Variants in PCDHA8 observed in about 807,000 individuals in gnomAD.
PCDHA8 encodes protocadherin alpha-8.
A neutral mutation model predicts 61.8 loss-of-function variants in PCDHA8; 53 were observed. The ratio of observed to expected loss-of-function variants is 0.86; its 90% CI spans 0.69 to 1.08. The LOEUF is 1.08. Ranked by LOEUF, PCDHA8 falls within the 50% of genes least tolerant of loss-of-function variation. PCDHA8 has a pLI of 0.00. For missense variants in PCDHA8, 1,293 were observed against 1,245.0 expected, an observed-to-expected ratio of 1.04 and a Z score of -0.58; for synonymous variants, 618 against 556.6, an observed-to-expected ratio of 1.11 and a Z score of -1.55.
intron 1 of PCDHA8, chr5:140,967,709 G>T: frequency 6.2e-7 from 1 of 1,614,140 alleles, no homozygotes; most frequent in Non-Finnish European, 8.5e-7. Context: ...TGCCAGTACC[G>T]GGGAAGTGCG....
intron 2 of PCDHA8, among the ~76,000 whole-genome samples, chr5:140,980,255 C>T (rs782489996): frequency 2.0e-4 from 31 of 152,210 alleles, no homozygotes; most frequent in Middle Eastern, 3.2e-3. Flanking sequence ...TGGGTAAAAG[C>T]ATGGTTTACA....
At chr5:140,851,813 A>T (rs2042166057) in intron 1 of PCDHA8, 1 of 954,990 alleles carries the variant, frequency 1.0e-6, no homozygotes, top group Non-Finnish European at 1.3e-6. Context: ...AATCCATAAG[A>T]CAGAAATCTG....
intron 1 of PCDHA8, among the ~76,000 whole-genome samples, chr5:140,921,386 A>C (rs2080192825): frequency 6.6e-6 from 1 of 152,156 alleles, no homozygotes; most frequent in African/African-American, 2.4e-5. Flanking sequence ...ATATTTGATA[A>C]ACATTCACAC....
intron 1 of PCDHA8, among the ~76,000 whole-genome samples, chr5:140,909,996 T>C (rs549464312): frequency 1.3e-5 from 2 of 152,192 alleles, no homozygotes; most frequent in African/African-American, 4.8e-5. Context: ...ACAGCATAAA[T>C]TGTTGTCAGT....
intron 1 of PCDHA8, chr5:140,869,808 C>A: frequency 6.2e-7 from 1 of 1,612,402 alleles, no homozygotes; most frequent in South Asian, 1.1e-5. Context: ...TCTTGGATGT[C>A]AACGACAATG....
At chr5:140,857,920 G>A (rs2045011675) in intron 1 of PCDHA8, 2 of 1,597,818 alleles carry the variant, frequency 1.3e-6, no homozygotes, top group Non-Finnish European at 1.7e-6. Flanking sequence ...TTCGCGTGGG[G>A]CTGTACACGG....
Position 140,853,160 on chromosome 5 carries a change from T to C in PCDHA8, c.2394+9445T>C, listed in dbSNP as rs2150529157. 1.0e-3 allele frequency: 954 copies of C among 925,650 alleles called. 57 individuals carry two copies. The highest frequency in any genetic ancestry group is 1.2e-3 in the Non-Finnish European group (917 of 763,430). 57.3% of individuals were successfully genotyped at this position (925,650 alleles called of 1,614,324 possible). ...TCCCAAAATGCTGGGATTACAGGCG[T>C]GAGCCACCGCGCCTGGCCTAAAATG... On this transcript the variant is annotated intron_variant, in intron 1 of 3. Transcript: ENST00000531613.
chr5:140,870,935 A>C, intron 1 of PCDHA8: 2 of 1,613,778 alleles, frequency 1.2e-6, no homozygotes, highest in African/African-American at 2.7e-5. Context: ...TATGAATTGC[A>C]GCCGGCGGCG....
chr5:140,967,401 G>A lies in PCDHA8; in HGVS notation c.2395-11548G>A. On this transcript the variant is annotated intron_variant, in intron 1 of 3. Transcript: ENST00000531613. ...AGTAAAGTGCTTGAGCTGGTGCTGC[G>A]TAAGGGCCTAGACCGGGAGCAGGCA... 3.1e-6 allele frequency: 5 copies of A among 1,611,944 alleles called. No individual in the cohort carries two copies. Among genetic ancestry groups the A allele is most frequent in the East Asian group, 2.2e-5 (1 of 44,806 alleles).
chr5:140,866,460 A>G (rs2049371963), intron 1 of PCDHA8: 1 of 152,148 alleles, frequency 6.6e-6, no homozygotes, highest in Non-Finnish European at 1.5e-5. Context: ...TTGGCTGGGA[A>G]GCTCATAACA....
chr5:140,948,150 T>C (rs1477987526), intron 1 of PCDHA8, among the ~76,000 whole-genome samples: 2 of 151,642 alleles, frequency 1.3e-5, no homozygotes, highest in Non-Finnish European at 3.0e-5. Flanking sequence ...TTTTTGAATG[T>C]TGGAAAAAAC....
At chr5:140,920,501 A>G (rs1404369467) in intron 1 of PCDHA8, among the ~76,000 whole-genome samples, 1 of 152,194 alleles carries the variant, frequency 6.6e-6, no homozygotes, top group Non-Finnish European at 1.5e-5. Context: ...AGAGTTCTAC[A>G]TACTGTTTTA....
intron 1 of PCDHA8, chr5:140,870,490 G>T: frequency 1.2e-6 from 2 of 1,614,234 alleles, no homozygotes; most frequent in Non-Finnish European, 8.5e-7. Flanking sequence ...CACCGTGTTC[G>T]TGAAGGAGAA....
chr5:140,943,888 T>A (rs567966075), intron 1 of PCDHA8, among the ~76,000 whole-genome samples: 1 of 152,330 alleles, frequency 6.6e-6, no homozygotes, highest in South Asian at 2.1e-4. Context: ...ATTGGACTGG[T>A]CATTATGATG....
rs377069661 is a variant in PCDHA8 at position 140,915,905 on chromosome 5, G to A, written c.2395-63044G>A. ...AGCAAGTTCCCCCTGGCCCTGGGCA[G>A]GCCCAGAGATGCTACTTGGGAGTCA... On this transcript the variant is annotated intron_variant, in intron 1 of 3. Transcript: ENST00000531613. Among the ~76,000 whole-genome samples, 6 of 152,266 alleles carry A rather than the reference G, an allele frequency of 3.9e-5. No individual in the cohort carries two copies. In the East Asian group the frequency reaches 1.2e-3, roughly 29 times the overall value.
At chr5:141,008,528 G>C (rs1343778561) in intron 3 of PCDHA8, among the ~76,000 whole-genome samples, 5 of 152,070 alleles carry the variant, frequency 3.3e-5, no homozygotes, top group African/African-American at 9.7e-5. Flanking sequence ...AGACTCTTGG[G>C]AATGTCTTTT....
chr5:140,883,946 G>C lies in PCDHA8; in HGVS notation c.2394+40231G>C, dbSNP rs139225969. ...GCAGGTGTTCGTGCTGGACGAGAACGACAACGCTCCGGCGCTGCTGACGCC... is the reference window on the plus strand; with the variant it reads ...GCAGGTGTTCGTGCTGGACGAGAACCACAACGCTCCGGCGCTGCTGACGCC... On this transcript the variant is annotated intron_variant, in intron 1 of 3. Coordinates refer to ENST00000531613, the MANE Select transcript of PCDHA8 (RefSeq NM_018911.3). The C allele has an allele frequency of 4.8e-5, 77 of 1,613,392 alleles. No individual in the cohort carries two copies. In the African/African-American group the frequency reaches 8.8e-4, roughly 18 times the overall value.
chr5:140,987,636 C>A (rs569411440), intron 3 of PCDHA8, among the ~76,000 whole-genome samples: 1 of 152,256 alleles, frequency 6.6e-6, no homozygotes, highest in African/African-American at 2.4e-5. Context: ...TGAGATAATG[C>A]ACACATATTG....
chr5:140,925,947 G>A (rs1447488918), intron 1 of PCDHA8, among the ~76,000 whole-genome samples: 1 of 152,066 alleles, frequency 6.6e-6, no homozygotes, highest in Non-Finnish European at 1.5e-5. Flanking sequence ...CTTGGAGAAG[G>A]AGAAACTGCT....
Sources: allele counts gnomAD v4.1 joint callset (sites outside exome capture counted in the v4.1 genomes callset), GRCh38; gene constraint gnomAD v4.1.1; transcripts MANE v1.5; gene names NCBI Gene and HGNC (gene_info 2026-07-23, HGNC 2026-07-21).